HMGCLL1: variants seen among roughly 807,000 people sequenced by gnomAD.
HMGCLL1 encodes 3-hydroxy-3-methylglutaryl-CoA lyase like 1, also known as 3-hydroxymethyl-3-methylglutaryl-CoA lyase, cytoplasmic.
A neutral mutation model predicts 39.1 loss-of-function variants in HMGCLL1; 36 were observed. That is an observed-to-expected ratio of 0.92 (90% confidence interval 0.71 to 1.22). HMGCLL1 has a LOEUF of 1.22. HMGCLL1 is among the 50% of genes most tolerant of loss of function. HMGCLL1 has a pLI of 0.00. For missense variants in HMGCLL1, 451 were observed against 416.5 expected (o/e 1.08, Z -0.72); for synonymous variants, 149 against 144.0 (o/e 1.03, Z -0.25).
chr6:55,505,739 T>C (rs571308738), intron 5 of HMGCLL1, among the ~76,000 whole-genome samples: 14 of 151,760 alleles, frequency 9.2e-5, no homozygotes, highest in Non-Finnish European at 1.9e-4. Context: ...ACTTTACATA[T>C]AGTTTTGTTC....
At chr6:55,483,818 G>T (rs1187198164) in intron 7 of HMGCLL1, among the ~76,000 whole-genome samples, 3 of 152,096 alleles carry the variant, frequency 2.0e-5, no homozygotes, top group African/African-American at 2.4e-5. Context: ...TACTTCATGG[G>T]ATTGTCATGA....
the HMGCLL1 span, among the ~76,000 whole-genome samples, chr6:55,618,446 G>A: frequency 6.6e-6 from 1 of 151,942 alleles, no homozygotes; most frequent in Non-Finnish European, 1.5e-5. Context: ...AATAAATTTT[G>A]AGAATGTATT....
chr6:55,500,372 A>G (rs1480263605), intron 5 of HMGCLL1, among the ~76,000 whole-genome samples: 1 of 152,026 alleles, frequency 6.6e-6, no homozygotes, highest in Non-Finnish European at 1.5e-5. Context: ...CAAAAACACA[A>G]GAAATATCCT....
the HMGCLL1 span, among the ~76,000 whole-genome samples, chr6:55,635,447 T>C: frequency 6.6e-6 from 1 of 152,226 alleles, no homozygotes; most frequent in East Asian, 1.9e-4. Flanking sequence ...AAAAAAATTC[T>C]TTTATTTTAA....
the HMGCLL1 span, among the ~76,000 whole-genome samples, chr6:55,601,752 CTT>C: frequency 6.6e-6 from 1 of 152,010 alleles, no homozygotes; most frequent in African/African-American, 2.4e-5. Flanking sequence ...TAAAAATTGA[CTT>C]GGCTATTAAT....
At chr6:55,668,677 C>T in the HMGCLL1 span, among the ~76,000 whole-genome samples, 5 of 151,784 alleles carry the variant, frequency 3.3e-5, no homozygotes, top group South Asian at 2.1e-4. Context: ...GCCAAAAACC[C>T]GGAAGTGAAC....
At chr6:55,602,557 T>C in the HMGCLL1 span, among the ~76,000 whole-genome samples, 1 of 152,032 alleles carries the variant, frequency 6.6e-6, no homozygotes, top group Non-Finnish European at 1.5e-5. Context: ...GCATTAATCA[T>C]CAAGTATTAT....
At chr6:55,447,284 G>GC (rs1763896698) in intron 7 of HMGCLL1, among the ~76,000 whole-genome samples, 1 of 151,964 alleles carries the variant, frequency 6.6e-6, no homozygotes, top group Non-Finnish European at 1.5e-5. Context: ...TGATAGGTAA[G>GC]CCATAGATAA....
At chr6:55,447,299 C>A (rs941997950) in intron 7 of HMGCLL1, among the ~76,000 whole-genome samples, 1 of 151,784 alleles carries the variant, frequency 6.6e-6, no homozygotes, top group Non-Finnish European at 1.5e-5. Context: ...AGATAATGAA[C>A]AGTTAGCCTA....
At chr6:55,646,240 G>A in the HMGCLL1 span, among the ~76,000 whole-genome samples, 1 of 151,428 alleles carries the variant, frequency 6.6e-6, no homozygotes, top group Non-Finnish European at 1.5e-5. Flanking sequence ...AGGTGTAATG[G>A]CTCCTTTTTC....
chr6:55,467,206 A>G (rs1031495231), intron 7 of HMGCLL1, among the ~76,000 whole-genome samples: 1 of 152,104 alleles, frequency 6.6e-6, no homozygotes, highest in Non-Finnish European at 1.5e-5. Context: ...ATCAACTAAT[A>G]AAGGTCTCAC....
chr6:55,663,488 A>G, the HMGCLL1 span, among the ~76,000 whole-genome samples: 1 of 151,770 alleles, frequency 6.6e-6, no homozygotes, highest in Non-Finnish European at 1.5e-5. Context: ...ATGTAATTGC[A>G]TGGTTTTGAG....
chr6:55,569,745 A>G (rs927648891), intron 1 of HMGCLL1, among the ~76,000 whole-genome samples: 8 of 152,168 alleles, frequency 5.3e-5, no homozygotes, highest in African/African-American at 1.9e-4. Flanking sequence ...TGACTTGATT[A>G]AAAATAAAAA....
In HMGCLL1 at chr6:55,513,388, T is replaced by C. The variant is rs1767565964; in HGVS notation, c.542+660A>G. 2.0e-5 allele frequency: 3 copies of C among 152,188 alleles called. No individual in the cohort carries two copies. The South Asian group carries it at 6.2e-4, about 32-fold the overall frequency. 9.4% of individuals were successfully genotyped at this position (152,188 alleles called of 1,614,324 possible). A position where few individuals can be genotyped will look rare whatever the true frequency, so the allele number is the denominator to read the frequency against. ...GCGAGGAGAAAGGGATTGATATCTCTGATACTCCTAAATTTATAGAAATCA... is the reference window on the plus strand; with the variant it reads ...GCGAGGAGAAAGGGATTGATATCTCCGATACTCCTAAATTTATAGAAATCA... On this transcript the variant is annotated intron_variant, in intron 5 of 8. Coordinates refer to ENST00000274901, the MANE Select transcript of HMGCLL1 (RefSeq NM_001042406.2).
At chr6:55,551,866 T>A (rs900803637) in intron 1 of HMGCLL1, among the ~76,000 whole-genome samples, 1 of 152,072 alleles carries the variant, frequency 6.6e-6, no homozygotes, top group African/African-American at 2.4e-5. Context: ...AAAAACAGCA[T>A]TAAAATTCCA....
chr6:55,645,535 CTGTCAAATA>C, the HMGCLL1 span, among the ~76,000 whole-genome samples: 2 of 151,954 alleles, frequency 1.3e-5, no homozygotes, highest in South Asian at 4.1e-4. Context: ...AGCTGTGGGT[CTGTCAAATA>C]TGCCTTTTAC....
At chr6:55,655,725 A>G in the HMGCLL1 span, among the ~76,000 whole-genome samples, 9 of 151,964 alleles carry the variant, frequency 5.9e-5, no homozygotes, top group Non-Finnish European at 2.9e-5. Context: ...ACACTTCTTT[A>G]TACTATGGTC....
chr6:55,642,858 T>C, the HMGCLL1 span, among the ~76,000 whole-genome samples: 1 of 152,138 alleles, frequency 6.6e-6, no homozygotes, highest in African/African-American at 2.4e-5. Context: ...GTACTCATCA[T>C]TTAGCACCCA....
At chr6:55,444,931 T>TAAAA (rs1181574037) in intron 7 of HMGCLL1, among the ~76,000 whole-genome samples, 1 of 152,032 alleles carries the variant, frequency 6.6e-6, no homozygotes, top group Admixed American at 6.6e-5. Flanking sequence ...AGAGGACTTG[T>TAAAA]AAAATGGTCT....
Sources: gnomAD v4.1 joint callset for allele counts (sites outside exome capture counted in the v4.1 genomes callset) on GRCh38, gnomAD v4.1.1 for gene constraint, MANE v1.5 for transcripts, NCBI Gene and HGNC (gene_info 2026-07-23, HGNC 2026-07-21) for gene names.